The following RARB variants were observed in gnomAD, a reference collection of about 807,000 sequenced individuals.
RARB encodes HBV-activated protein.
In RARB, 17 loss-of-function variants were observed where a neutral mutation model predicts 51.9. That is an observed-to-expected ratio of 0.33 (90% CI 0.22 to 0.49). RARB has a LOEUF of 0.49. Ranked by LOEUF, RARB falls within the 20% of genes least tolerant of loss-of-function variation. RARB has a pLI of 0.99. For synonymous variants in RARB, 215 were observed against 195.4 expected, an observed-to-expected ratio of 1.10 and a Z score of -0.84; for missense variants, 369 against 550.8, an observed-to-expected ratio of 0.67 and a Z score of 3.30.
intron 2 of RARB, among the ~76,000 whole-genome samples, chr3:25,002,752 G>C (rs1191323473): frequency 7.1e-5 from 6 of 84,306 alleles, no homozygotes; most frequent in Admixed American, 4.3e-4. Context: ...CATATTCTGT[G>C]TGTGTGTGTA....
At chr3:24,898,075 T>A (rs1017092306) in intron 2 of RARB, among the ~76,000 whole-genome samples, 1 of 152,110 alleles carries the variant, frequency 6.6e-6, no homozygotes, top group African/African-American at 2.4e-5. Flanking sequence ...AAAAATAGAT[T>A]ATTTTTCACT....
At chr3:24,904,129 TCA>T (rs1694795142) in intron 2 of RARB, among the ~76,000 whole-genome samples, 1 of 152,220 alleles carries the variant, frequency 6.6e-6, no homozygotes. Flanking sequence ...ATTCTGGCTC[TCA>T]CTCACCAACC....
chr3:25,184,826 A>G (rs1037716240), intron 5 of RARB, among the ~76,000 whole-genome samples: 4 of 152,098 alleles, frequency 2.6e-5, no homozygotes, highest in Non-Finnish European at 5.9e-5. Context: ...CAGGAGTTAG[A>G]GACCACGCTG....
chr3:24,989,773 T>C (rs1285900525), intron 2 of RARB, among the ~76,000 whole-genome samples: 1 of 73,510 alleles, frequency 1.4e-5, no homozygotes, highest in African/African-American at 6.1e-5. Flanking sequence ...CATATGTTTT[T>C]CTTTTTTTTT....
At chr3:24,994,899 T>G (rs1575110412) in intron 2 of RARB, among the ~76,000 whole-genome samples, 1 of 152,006 alleles carries the variant, frequency 6.6e-6, no homozygotes, top group African/African-American at 2.4e-5. Context: ...ACTACAGTGT[T>G]GTATAGTTTG....
chr3:25,136,375 G>A (rs1021290997), intron 4 of RARB, among the ~76,000 whole-genome samples: 2 of 152,010 alleles, frequency 1.3e-5, no homozygotes, highest in African/African-American at 4.8e-5. Context: ...AGCAATGGTT[G>A]TATAAAAATT....
intron 2 of RARB, among the ~76,000 whole-genome samples, chr3:24,958,260 T>TTTTG (rs1696062898): frequency 4.5e-5 from 2 of 44,836 alleles, no homozygotes; most frequent in Non-Finnish European, 4.6e-5. Flanking sequence ...CTCAGGTTTT[T>TTTTG]TTTTTTTTTT....
intron 4 of RARB, among the ~76,000 whole-genome samples, chr3:25,166,534 T>C (rs1449374909): frequency 1.6e-4 from 24 of 152,136 alleles, no homozygotes; most frequent in Admixed American, 1.6e-3. Context: ...AAGTTCTAAA[T>C]CAGCCAAAGA....
chr3:25,238,234 T>C (rs530449555), intron 5 of RARB, among the ~76,000 whole-genome samples: 1 of 152,226 alleles, frequency 6.6e-6, no homozygotes, highest in South Asian at 2.1e-4. Context: ...AGTTCCTACA[T>C]ATGAATGAAA....
At chr3:25,252,138 T>C (rs1702738464) in intron 5 of RARB, among the ~76,000 whole-genome samples, 2 of 152,202 alleles carry the variant, frequency 1.3e-5, no homozygotes, top group South Asian at 4.1e-4. Flanking sequence ...TTAAATTTTC[T>C]TGCCACCCTT....
At position 24,847,718 on chromosome 3, in the gene RARB, C is replaced by A. The variant is rs181753040; in HGVS notation, c.-458-10956C>A. On this transcript the variant is annotated intron_variant, in intron 1 of 11. Coordinates refer to the RARB transcript ENST00000383772. ...TGGCCACCATAATTGTAGGCCATTG[C>A]TGCTCCAGCTTTAAAATGTGAATCA... Among the ~76,000 whole-genome samples, 14 of 152,366 alleles carry A rather than the reference C, an allele frequency of 9.2e-5. No homozygotes were observed. In the East Asian group the frequency reaches 2.1e-3, roughly 23 times the overall value.
intron 4 of RARB, among the ~76,000 whole-genome samples, chr3:25,149,129 C>G (rs897302377): frequency 6.6e-6 from 1 of 152,148 alleles, no homozygotes; most frequent in African/African-American, 2.4e-5. Flanking sequence ...ATAATTACCA[C>G]CCATACACAT....
At chr3:25,565,014 AC>A (rs1700433561) in intron 3 of RARB, among the ~76,000 whole-genome samples, 3 of 151,610 alleles carry the variant, frequency 2.0e-5, no homozygotes, top group Non-Finnish European at 4.4e-5. Context: ...CCCTCAATTT[AC>A]CCTCCCAATT....
chr3:25,333,491 T>C (rs1033015887), intron 5 of RARB, among the ~76,000 whole-genome samples: 1 of 152,056 alleles, frequency 6.6e-6, no homozygotes. Flanking sequence ...AAGCTGAAAC[T>C]GGATCCCTTC....
intron 5 of RARB, among the ~76,000 whole-genome samples, chr3:25,193,316 T>G (rs1016285288): frequency 3.9e-5 from 6 of 152,022 alleles, no homozygotes; most frequent in African/African-American, 9.7e-5. Context: ...ACTGGATGTT[T>G]AGAAATCTTA....
chr3:25,353,750 G>A (rs1705647243), intron 5 of RARB, among the ~76,000 whole-genome samples: 1 of 151,998 alleles, frequency 6.6e-6, no homozygotes, highest in Admixed American at 6.6e-5. Flanking sequence ...AGATAATTAT[G>A]GTGAGGCCAG....
intron 2 of RARB, among the ~76,000 whole-genome samples, chr3:24,982,639 C>T (rs898445564): frequency 6.6e-6 from 1 of 152,170 alleles, no homozygotes; most frequent in Non-Finnish European, 1.5e-5. Context: ...AACATAAGCT[C>T]CCCTCCTCCC....
intron 5 of RARB, among the ~76,000 whole-genome samples, chr3:25,195,380 A>G (rs1701207885): frequency 6.6e-6 from 1 of 151,980 alleles, no homozygotes. Context: ...TAGATATTTG[A>G]TGACATTGGA....
chr3:25,341,955 C>G (rs1216458563), intron 5 of RARB, among the ~76,000 whole-genome samples: 1 of 152,142 alleles, frequency 6.6e-6, no homozygotes, highest in South Asian at 2.1e-4. Context: ...TAATTAAATA[C>G]ATTGTATCTG....
Sources: gnomAD v4.1 joint callset for allele counts (sites outside exome capture counted in the v4.1 genomes callset) on GRCh38, gnomAD v4.1.1 for gene constraint, MANE v1.5 for transcripts, NCBI Gene and HGNC (gene_info 2026-07-23, HGNC 2026-07-21) for gene names.